Variants in IQCM observed in about 807,000 individuals in gnomAD.
IQCM encodes the protein IQ motif containing M, also known as IQ domain-containing protein M.
A neutral mutation model predicts 57.6 loss-of-function variants in IQCM; 45 were observed. The ratio of observed to expected loss-of-function variants is 0.78; its 90% CI spans 0.62 to 1.00. IQCM has a LOEUF of 1.00. IQCM is among the 50% of genes least tolerant of loss of function. The pLI is 0.00. For missense variants in IQCM, 468 were observed against 511.6 expected, an observed-to-expected ratio of 0.91 and a Z score of 0.82; for synonymous variants, 148 against 158.9, an observed-to-expected ratio of 0.93 and a Z score of 0.51.
At chr4:149,554,467 C>T (rs1437565423) in intron 10 of IQCM, among the ~76,000 whole-genome samples, 2 of 151,978 alleles carry the variant, frequency 1.3e-5, no homozygotes, top group East Asian at 1.9e-4. Context: ...CAGGCACTCA[C>T]CATCATGACC....
intron 13 of IQCM, among the ~76,000 whole-genome samples, chr4:149,401,307 T>C (rs907986070): frequency 2.0e-5 from 3 of 151,778 alleles, no homozygotes; most frequent in Admixed American, 6.6e-5. Flanking sequence ...AAAATAAATA[T>C]AACTTTTAAA....
chr4:149,654,596 T>C lies in IQCM; in HGVS notation c.565+27522A>G, dbSNP rs576215858. 6.6e-5 allele frequency among the ~76,000 whole-genome samples: 10 copies of C among 152,274 alleles called. No homozygotes were observed. The East Asian group carries it at 1.9e-3, about 29-fold the overall frequency. On this transcript the variant is annotated intron_variant, in intron 7 of 13. Coordinates refer to ENST00000636793, the MANE Select transcript of IQCM (RefSeq NM_001363507.2). ...AACCATAAGCCAATTAAACTATTTTTCCTTATAAATTACCCAGTCTCAGGT... is the reference window on the plus strand; with the variant it reads ...AACCATAAGCCAATTAAACTATTTTCCCTTATAAATTACCCAGTCTCAGGT...
intron 2 of IQCM, among the ~76,000 whole-genome samples, chr4:149,745,796 AC>A (rs1767868867): frequency 1.3e-5 from 2 of 151,922 alleles, no homozygotes; most frequent in African/African-American, 2.4e-5. Context: ...ACATGGTCAA[AC>A]CCCTTCTCAA....
chr4:149,630,303 T>C (rs1284036504), intron 7 of IQCM, among the ~76,000 whole-genome samples: 1 of 152,188 alleles, frequency 6.6e-6, no homozygotes, highest in African/African-American at 2.4e-5. Flanking sequence ...TGGGACTGTG[T>C]CCCGGGCACT....
intron 2 of IQCM, among the ~76,000 whole-genome samples, chr4:149,750,489 G>A (rs538966464): frequency 6.6e-6 from 1 of 152,202 alleles, no homozygotes; most frequent in Admixed American, 6.5e-5. Flanking sequence ...GAACAAAAAA[G>A]GTAATAAGAG....
At position 149,528,187 on chromosome 4, in the gene IQCM, C is replaced by T. The variant is rs141811217; in HGVS notation, c.1228+20268G>A. Among the ~76,000 whole-genome samples, 1,451 of 151,926 alleles carry T rather than the reference C, an allele frequency of 9.6e-3. 7 individuals are homozygous for T. Among genetic ancestry groups the T allele is most frequent in the Non-Finnish European group, 0.016 (1,072 of 67,926 alleles). On this transcript the variant is annotated intron_variant, in intron 12 of 13. Coordinates refer to ENST00000636793, the MANE Select transcript of IQCM (RefSeq NM_001363507.2). ...TTTTATTAGAGATGGGGTTTCACCA[C>T]GTTGGCCATGCTGGTCTTGAACTAC...
intron 12 of IQCM, among the ~76,000 whole-genome samples, chr4:149,452,833 A>G (rs1737271057): frequency 6.6e-6 from 1 of 151,570 alleles, no homozygotes; most frequent in Non-Finnish European, 1.5e-5. Context: ...TAAATAAAGT[A>G]GATTATTCTC....
intron 5 of IQCM, among the ~76,000 whole-genome samples, chr4:149,726,044 C>T (rs1446944174): frequency 7.1e-6 from 1 of 141,534 alleles, no homozygotes; most frequent in Non-Finnish European, 1.5e-5. Context: ...TGCTCAGTGA[C>T]ACTTCCCAAC....
chr4:149,742,634 T>G, intron 3 of IQCM, 21 bp downstream of exon 3: 1 of 1,222,278 alleles, frequency 8.2e-7, no homozygotes, highest in Admixed American at 4.2e-5. Flanking sequence ...TGTACTATGT[T>G]AGGTAAGCAC....
chr4:149,513,116 C>G (rs900898133), intron 12 of IQCM, among the ~76,000 whole-genome samples: 1 of 152,110 alleles, frequency 6.6e-6, no homozygotes, highest in Non-Finnish European at 1.5e-5. Flanking sequence ...TCTCTTTATT[C>G]CAAAGAGAAT....
chr4:149,670,940 C>CTTTTTT (rs57287015), intron 7 of IQCM, among the ~76,000 whole-genome samples: 1 of 143,372 alleles, frequency 7.0e-6, no homozygotes. Context: ...AAAATTCTCT[C>CTTTTTT]TTTTTTTTTT....
chr4:149,803,765 T>C (rs542423056), intron 2 of IQCM, among the ~76,000 whole-genome samples: 1 of 152,094 alleles, frequency 6.6e-6, no homozygotes, highest in East Asian at 1.9e-4. Context: ...TTTTTGTTTT[T>C]TCTCCTCAGT....
In IQCM at chr4:149,368,794, A is replaced by G. The variant is rs13127984; in HGVS notation, c.1391-16728T>C. 5.3e-3 allele frequency among the ~76,000 whole-genome samples: 551 copies of G among 103,426 alleles called. 1 individual carries two copies. The highest frequency in any genetic ancestry group is 0.011 in the Middle Eastern group (2 of 176). 67.9% of individuals were successfully genotyped at this position (103,426 alleles called of 152,430 possible). On this transcript the variant is annotated intron_variant, in intron 13 of 13. Coordinates refer to ENST00000636793, the MANE Select transcript of IQCM (RefSeq NM_001363507.2). Reference sequence around the variant, plus strand: ...TACATATATATACATGTATATATATACATATATATACATGTATATATATAC... The same window carrying G: ...TACATATATATACATGTATATATATGCATATATATACATGTATATATATAC...
intron 6 of IQCM, among the ~76,000 whole-genome samples, chr4:149,685,153 C>T (rs1762461963): frequency 6.6e-6 from 1 of 151,480 alleles, no homozygotes; most frequent in African/African-American, 2.4e-5. Flanking sequence ...GTCCCTAAAA[C>T]ATTATTATTC....
chr4:149,671,365 T>C (rs1334995749), intron 7 of IQCM, among the ~76,000 whole-genome samples: 5 of 152,198 alleles, frequency 3.3e-5, no homozygotes, highest in Admixed American at 2.6e-4. Flanking sequence ...TATTTGATTC[T>C]TTTCTCTTCT....
chr4:149,433,630 T>C (rs1240402634), intron 12 of IQCM, 73 bp from the exon 13 acceptor site: 3 of 547,386 alleles, frequency 5.5e-6, no homozygotes, highest in African/African-American at 1.9e-5. Context: ...TTTTAAGGGA[T>C]GCAAATTAAA....
intron 8 of IQCM, among the ~76,000 whole-genome samples, chr4:149,603,622 G>A (rs1443911718): frequency 1.3e-5 from 2 of 151,924 alleles, no homozygotes; most frequent in African/African-American, 2.4e-5. Context: ...GTCTTCTAAT[G>A]AGTGTTAGAG....
At chr4:149,617,688 A>C (rs1265432840) in intron 8 of IQCM, among the ~76,000 whole-genome samples, 1 of 152,234 alleles carries the variant, frequency 6.6e-6, no homozygotes, top group Non-Finnish European at 1.5e-5. Context: ...ATGTACAAAA[A>C]TTAGCAGCAT....
chr4:149,531,159 T>TGATTTACTATACA (rs1746708732), intron 12 of IQCM, among the ~76,000 whole-genome samples: 9 of 152,292 alleles, frequency 5.9e-5, no homozygotes, highest in African/African-American at 2.2e-4. Flanking sequence ...ATTTACTATA[T>TGATTTACTATACA]TGATTGTATG....
Sources: allele counts gnomAD v4.1 joint callset (sites outside exome capture counted in the v4.1 genomes callset), GRCh38; gene constraint gnomAD v4.1.1; transcripts MANE v1.5; gene names NCBI Gene and HGNC (gene_info 2026-07-23, HGNC 2026-07-21).